The following AGBL1 variants were observed in gnomAD, a reference collection of about 807,000 sequenced individuals.
AGBL1 encodes AGBL carboxypeptidase 1.
Under a neutral mutation model 118.9 loss-of-function variants are expected in AGBL1, and 130 were observed. That is an observed-to-expected ratio of 1.09 (90% CI 0.95 to 1.26). The LOEUF is 1.26. AGBL1 is among the 50% of genes most tolerant of loss of function. AGBL1 has a pLI of 0.00. For missense variants in AGBL1, 1,584 were observed against 1,298.1 expected (o/e 1.22, Z -3.38); for synonymous variants, 555 against 478.9 (o/e 1.16, Z -2.08).
intron 16 of AGBL1, among the ~76,000 whole-genome samples, chr15:86,285,308 C>A (rs1224057025): frequency 6.6e-6 from 1 of 152,014 alleles, no homozygotes; most frequent in Non-Finnish European, 1.5e-5. Context: ...GAGATGGATC[C>A]ATGAAAAATT....
At chr15:86,520,901 T>A (rs1035717493) in intron 18 of AGBL1, among the ~76,000 whole-genome samples, 4 of 152,232 alleles carry the variant, frequency 2.6e-5, no homozygotes, top group African/African-American at 4.8e-5. Flanking sequence ...CCTGTTCCTT[T>A]CTGTTGCTAT....
In AGBL1 at chr15:86,913,808, AG is replaced by A. The variant is rs1379725131; in HGVS notation, c.*6516del. On this transcript the variant is annotated 3_prime_UTR_variant, in exon 23 of 23. Transcript: ENST00000614907. ...ACCTGAGCCTGGAAGTGGAAGGTTG[AG>A]GCTACGGTGAGTCGTGATCGCACAA... The A allele has an allele frequency of 4.6e-5, 7 of 152,308 alleles. No homozygotes were observed. The highest frequency in any genetic ancestry group is 1.0e-4 in the Non-Finnish European group (7 of 68,176). 9.4% of individuals were successfully genotyped at this position (152,308 alleles called of 1,614,324 possible).
intron 23 of AGBL1, among the ~76,000 whole-genome samples, chr15:86,980,582 G>A (rs1158388305): frequency 1.3e-5 from 2 of 152,102 alleles, no homozygotes; most frequent in Non-Finnish European, 2.9e-5. Context: ...GTTGTGGGCT[G>A]CAGCAGACAT....
At chr15:86,992,276 A>G (rs145951916) in intron 24 of AGBL1, among the ~76,000 whole-genome samples, 163 of 152,228 alleles carry the variant, frequency 1.1e-3, no homozygotes, top group Admixed American at 9.7e-3. Flanking sequence ...ATCTGCCCCC[A>G]TGACAAAAAC....
chr15:86,225,863 C>T (rs1023073489), intron 6 of AGBL1, among the ~76,000 whole-genome samples: 1 of 152,120 alleles, frequency 6.6e-6, no homozygotes, highest in Non-Finnish European at 1.5e-5. Context: ...ACATCTCTGT[C>T]AACTATAAGC....
At chr15:86,226,762 T>G (rs975156989) in intron 6 of AGBL1, among the ~76,000 whole-genome samples, 2 of 152,178 alleles carry the variant, frequency 1.3e-5, no homozygotes, top group Non-Finnish European at 2.9e-5. Flanking sequence ...CTTCTTTCCC[T>G]TTAGAGCTTA....
At chr15:86,456,752 A>T (rs1172054465) in intron 18 of AGBL1, among the ~76,000 whole-genome samples, 1 of 152,222 alleles carries the variant, frequency 6.6e-6, no homozygotes, top group Non-Finnish European at 1.5e-5. Flanking sequence ...GACAGTTTTG[A>T]TGCTTCATTT....
chr15:86,176,895 G>T (rs1418951317), intron 5 of AGBL1, among the ~76,000 whole-genome samples: 1 of 152,108 alleles, frequency 6.6e-6, no homozygotes, highest in African/African-American at 2.4e-5. Flanking sequence ...GGGATCCTTT[G>T]CTCACCTTTT....
intron 18 of AGBL1, among the ~76,000 whole-genome samples, chr15:86,456,779 A>AT (rs376263865): frequency 2.0e-4 from 31 of 152,136 alleles, no homozygotes; most frequent in Admixed American, 9.2e-4. Context: ...AGGAATTGTG[A>AT]TTTTTTTAAT....
chr15:86,100,346 A>G (rs1696367571), intron 1 of AGBL1, among the ~76,000 whole-genome samples: 1 of 152,164 alleles, frequency 6.6e-6, no homozygotes, highest in African/African-American at 2.4e-5. Flanking sequence ...ACCTTGTAGA[A>G]TGAATTAGGG....
At chr15:86,740,035 A>G (rs957799482) in intron 22 of AGBL1, among the ~76,000 whole-genome samples, 1 of 152,250 alleles carries the variant, frequency 6.6e-6, no homozygotes, top group African/African-American at 2.4e-5. Context: ...TTCTAAAGCT[A>G]TAAAAATAAC....
chr15:86,766,315 T>C (rs1235438104), intron 22 of AGBL1, among the ~76,000 whole-genome samples: 1 of 151,932 alleles, frequency 6.6e-6, no homozygotes, highest in Non-Finnish European at 1.5e-5. Context: ...GTCACTCCAC[T>C]ATTTTTTCTT....
intron 5 of AGBL1, among the ~76,000 whole-genome samples, chr15:86,194,718 G>C (rs955332916): frequency 2.6e-5 from 4 of 152,186 alleles, no homozygotes; most frequent in African/African-American, 9.7e-5. Context: ...GGGAAGATGG[G>C]CCAGTACTCA....
rs1596710747 is a variant in AGBL1 at position 86,987,089 on chromosome 15, A to G, written c.3222-898A>G. Among the ~76,000 whole-genome samples the G allele has an allele frequency of 2.0e-5, 3 of 152,252 alleles. No homozygotes were observed. The East Asian group carries it at 5.8e-4, about 29-fold the overall frequency. The stretch of plus-strand genomic sequence containing the variant: ...CAAGGTAATGTCATCAGTTAAGGCA[A>G]GGACCGGCCATTTTCACTTCTTTTG... On this transcript the variant is annotated intron_variant, in intron 23 of 24. Coordinates refer to the AGBL1 transcript ENST00000441037.
At chr15:86,780,692 C>T (rs959838636) in intron 22 of AGBL1, among the ~76,000 whole-genome samples, 41 of 148,720 alleles carry the variant, frequency 2.8e-4, no homozygotes, top group Admixed American at 2.0e-3. Context: ...GACAGAGTCT[C>T]GCTCTGTCGC....
chr15:86,582,026 T>C (rs1007193268), intron 21 of AGBL1, among the ~76,000 whole-genome samples: 2 of 152,180 alleles, frequency 1.3e-5, no homozygotes, highest in Non-Finnish European at 2.9e-5. Flanking sequence ...GGCTGGATAA[T>C]TTTTGGTAGT....
intron 24 of AGBL1, among the ~76,000 whole-genome samples, chr15:87,012,504 A>C (rs529200651): frequency 1.2e-4 from 19 of 152,204 alleles, no homozygotes; most frequent in African/African-American, 3.9e-4. Flanking sequence ...ACTAGAAGGA[A>C]ATTGTTCACA....
chr15:86,926,519 G>A (rs1044022735), intron 23 of AGBL1, among the ~76,000 whole-genome samples: 5 of 152,128 alleles, frequency 3.3e-5, no homozygotes, highest in Non-Finnish European at 7.3e-5. Flanking sequence ...CGATGGATTT[G>A]ACCCCCAACC....
At chr15:86,546,209 C>T (rs574219781) in intron 20 of AGBL1, 76 bp downstream of exon 20, 1 of 1,309,468 alleles carries the variant, frequency 7.6e-7, no homozygotes, top group South Asian at 2.0e-5. Flanking sequence ...CCATGCCCCA[C>T]TCATTTATTT....
Sources: allele counts gnomAD v4.1 joint callset (sites outside exome capture counted in the v4.1 genomes callset), GRCh38; gene constraint gnomAD v4.1.1; transcripts MANE v1.5; gene names NCBI Gene and HGNC (gene_info 2026-07-23, HGNC 2026-07-21).